MAML1: variants seen among roughly 807,000 people sequenced by gnomAD.
MAML1 encodes mastermind-like protein 1.
In MAML1, 14 loss-of-function variants were observed where a neutral mutation model predicts 77.1. The observed-to-expected ratio is 0.18, with a 90% confidence interval of 0.12 to 0.28. MAML1 has a LOEUF of 0.28. Ranked by LOEUF, MAML1 falls within the 10% of genes least tolerant of loss-of-function variation. MAML1 has a pLI of 1.00. For missense variants in MAML1, 1,217 were observed against 1,327.8 expected (o/e 0.92, Z 1.30); for synonymous variants, 516 against 551.9 (o/e 0.93, Z 0.91).
Position 179,776,722 on chromosome 5 carries a change from C to T in MAML1, c.*1845C>T. Reference sequence around the variant, plus strand: ...GCTGCCCCGTCTCCCACCCCTGTCCCCGGGGCTCGCTGGCCCTGCACTCCG... The same window carrying T: ...GCTGCCCCGTCTCCCACCCCTGTCCTCGGGGCTCGCTGGCCCTGCACTCCG... On this transcript the variant is annotated 3_prime_UTR_variant, in exon 5 of 5. Coordinates refer to ENST00000292599, the MANE Select transcript of MAML1 (RefSeq NM_014757.5). 1 of 985,932 alleles carries T rather than the reference C, an allele frequency of 1.0e-6. No individual in the cohort carries two copies. The highest frequency in any genetic ancestry group is 1.2e-6 in the Non-Finnish European group (1 of 830,010). The allele number at this position is 985,932 out of a possible 1,614,324, so 61.1% of individuals were successfully genotyped here.
In MAML1 at chr5:179,768,935, A is replaced by G. The variant is rs1331469085; in HGVS notation, c.1817A>G (p.His606Arg). The G allele has an allele frequency of 1.2e-6, 2 of 1,614,190 alleles. No homozygotes were observed. The highest frequency in any genetic ancestry group is 1.3e-5 in the African/African-American group (1 of 75,036). Residue 606 changes from histidine to arginine, a missense_variant, in exon 3 of 5, where the codon CAC (histidine) becomes CGC (arginine). By Grantham distance (29) the His-to-Arg change is conservative. Coordinates refer to ENST00000292599, the MANE Select transcript of MAML1 (RefSeq NM_014757.5). The stretch of plus-strand genomic sequence containing the variant: ...CCTGCCGTGTCCGTGGCCAGCTCCC[A>G]CAACAGCTCCCCCTATCTCAGCAGC... Reference protein sequence around the residue: ...QPPAVSVASSHNSSPYLSSQQ... With the variant: ...QPPAVSVASSRNSSPYLSSQQ...
intron 1 of MAML1, among the ~76,000 whole-genome samples, chr5:179,752,340 A>ATATATATATATATATATATATAT: frequency 1.9e-5 from 1 of 53,492 alleles, no homozygotes; most frequent in South Asian, 8.4e-4. Flanking sequence ...AAAAAAAAAA[A>ATATATATATATATATATATATAT]AAAAAAAAAA....
intron 3 of MAML1, among the ~76,000 whole-genome samples, chr5:179,770,564 T>C (rs917927025): frequency 3.3e-5 from 5 of 152,270 alleles, no homozygotes; most frequent in Admixed American, 2.6e-4. Context: ...TATGGACATG[T>C]TACATTTTAT....
At chr5:179,735,580 G>A (rs1049599686) in intron 1 of MAML1, among the ~76,000 whole-genome samples, 3 of 151,948 alleles carry the variant, frequency 2.0e-5, no homozygotes, top group African/African-American at 7.3e-5. Context: ...TAGTAGAGAT[G>A]GGGTTTCACC....
Position 179,747,808 on chromosome 5 carries a change from C to CAAAAAAAA in MAML1, c.315+14395_315+14402dup, listed in dbSNP as rs71001044. Among the ~76,000 whole-genome samples, 375 of 40,662 alleles carry CAAAAAAAA rather than the reference C, an allele frequency of 9.2e-3. 42 individuals are homozygous for CAAAAAAAA. The highest frequency in any genetic ancestry group is 0.028 in the Middle Eastern group (1 of 36). 26.7% of individuals were successfully genotyped at this position (40,662 alleles called of 152,430 possible). On this transcript the variant is annotated intron_variant, in intron 1 of 4. Transcript: ENST00000292599. ...CCTGGGCGACAGCGAGACTCCATCTCAAAAAAAAAAAAAAAAAAAAAGAAG... is the reference window on the plus strand; with the variant it reads ...CCTGGGCGACAGCGAGACTCCATCTCAAAAAAAAAAAAAAAAAAAAAAAAAAAAAGAAG...
chr5:179,743,009 G>A (rs1779311156), intron 1 of MAML1, among the ~76,000 whole-genome samples: 1 of 151,074 alleles, frequency 6.6e-6, no homozygotes, highest in African/African-American at 2.4e-5. Flanking sequence ...TGGGTGTTTG[G>A]ACAAAATAAT....
rs1461221464 is a variant in MAML1 at position 179,774,561 on chromosome 5, C to G, written c.2735C>G (p.Thr912Ser). 6.2e-7 allele frequency: 1 copy of G among 1,612,638 alleles called. No individual in the cohort carries two copies. ...CCCCCAGTGAGTGCACAGCAGAGGA[C>G]CAGCGCCCCTGCCCCAGCACCACCC... ...LLPPVSAQQR[T>S]SAPAPAPPPT... The change falls in exon 5 of 5, where the codon ACC becomes AGC. Residue 912 changes from threonine (T) to serine (S), a missense_variant. Physicochemically the swap from Thr to Ser is moderately conservative, Grantham distance 58. Transcript: ENST00000292599.
Position 179,775,878 on chromosome 5 carries a change from G to T in MAML1, c.*1001G>T. The T allele has an allele frequency of 1.0e-6, 1 of 985,600 alleles. No homozygotes were observed. 61.1% of individuals were successfully genotyped at this position (985,600 alleles called of 1,614,324 possible). ...ATTTACTCCATTGGAGGGAAAGGAA[G>T]AGTCTTAGAATTCCTAAGGGAACCT... On this transcript the variant is annotated 3_prime_UTR_variant, in exon 5 of 5. Coordinates refer to ENST00000292599, the MANE Select transcript of MAML1 (RefSeq NM_014757.5).
intron 1 of MAML1, among the ~76,000 whole-genome samples, chr5:179,763,116 G>T (rs1231676952): frequency 2.0e-5 from 3 of 152,120 alleles, no homozygotes; most frequent in Admixed American, 2.0e-4. Context: ...GGAAAACTGA[G>T]CTCCCAGGTT....
rs1756147309 is a variant in MAML1, at chr5:179,776,944, A to G, written c.*2067A>G. 5 of 985,770 alleles carry G rather than the reference A, an allele frequency of 5.1e-6. No individual in the cohort carries two copies. Among genetic ancestry groups the G allele is most frequent in the African/African-American group, 1.7e-5 (1 of 57,260 alleles). 61.1% of individuals were successfully genotyped at this position (985,770 alleles called of 1,614,324 possible). On this transcript the variant is annotated 3_prime_UTR_variant, in exon 5 of 5. Coordinates refer to ENST00000292599, the MANE Select transcript of MAML1 (RefSeq NM_014757.5). Reference sequence around the variant, plus strand: ...TTCCAGGAGCCACAACTCAGAAGAAAAGGGTGCTCAGACTTTTGTTATACA... The same window carrying G: ...TTCCAGGAGCCACAACTCAGAAGAAGAGGGTGCTCAGACTTTTGTTATACA...
chr5:179,773,871 G>T (rs1293641710), intron 4 of MAML1, 24 bp from the exon 5 acceptor site: 6 of 1,593,930 alleles, frequency 3.8e-6, no homozygotes, highest in Non-Finnish European at 5.1e-6. Flanking sequence ...ACTCCTGACT[G>T]CCAGACTCTT....
chr5:179,739,338 C>A (rs951764910), intron 1 of MAML1, among the ~76,000 whole-genome samples: 1 of 151,936 alleles, frequency 6.6e-6, no homozygotes, highest in African/African-American at 2.4e-5. Flanking sequence ...AGCAATATAA[C>A]AAGACTCCAT....
chr5:179,754,980 GAAGA>G (rs1779582767), intron 1 of MAML1, among the ~76,000 whole-genome samples: 1 of 152,190 alleles, frequency 6.6e-6, no homozygotes, highest in Admixed American at 6.5e-5. Context: ...CCCTCTTACA[GAAGA>G]GAGAAAGAAA....
chr5:179,766,137 C>G lies in MAML1; in HGVS notation c.1127C>G (p.Ala376Gly), dbSNP rs1215262101. ...ASAQAQNAQR[A>G]LAGVVLPSQG... ...GCCCAGGCCCAGAACGCACAAAGAG[C>G]CCTTGCAGGTGTGGTATTGCCCAGT... is the stretch of plus-strand genomic sequence containing the variant. Residue 376 changes from alanine to glycine, a missense_variant, in exon 2 of 5, where the codon GCC (alanine) becomes GGC (glycine). Physicochemically the swap from Ala to Gly is moderately conservative, Grantham distance 60. Around this residue, in one of 3 missense-constraint regions of MAML1, gnomAD observed 884 missense variants for 949.3 expected, o/e 0.93. Transcript: ENST00000292599. The surrounding 1 kb of genome is among the most constrained non-coding windows in gnomAD (Gnocchi z 4.0). The G allele has an allele frequency of 6.4e-7, 1 of 1,574,008 alleles. No individual in the cohort carries two copies. Among genetic ancestry groups the G allele is most frequent in the Non-Finnish European group, 8.6e-7 (1 of 1,161,546 alleles).
chr5:179,765,261 C>A, intron 1 of MAML1, 65 bp from the exon 2 acceptor site: 2 of 1,404,566 alleles, frequency 1.4e-6, no homozygotes, highest in Non-Finnish European at 1.9e-6. Flanking sequence ...CAGCCCTTGG[C>A]TTGTTACTGT....
intron 1 of MAML1, among the ~76,000 whole-genome samples, chr5:179,745,870 A>AT (rs1161382260): frequency 6.9e-6 from 1 of 145,638 alleles, no homozygotes; most frequent in African/African-American, 2.6e-5. Flanking sequence ...AAAAAAAAAA[A>AT]AAAAAAAAAA....
chr5:179,737,662 C>A (rs1285299575), intron 1 of MAML1, among the ~76,000 whole-genome samples: 1 of 151,848 alleles, frequency 6.6e-6, no homozygotes, highest in Non-Finnish European at 1.5e-5. Context: ...GAGTTTACTT[C>A]ACTTCAGATT....
At chr5:179,763,463 T>C (rs1418356600) in intron 1 of MAML1, among the ~76,000 whole-genome samples, 2 of 152,108 alleles carry the variant, frequency 1.3e-5, no homozygotes, top group African/African-American at 2.4e-5. Flanking sequence ...CGATTTTTTT[T>C]TTTTTTCAGA....
At position 179,766,268 on chromosome 5, in the gene MAML1, C is replaced by T. The variant is rs1779817020; in HGVS notation, c.1258C>T (p.Pro420Ser). Residue 420 changes from proline to serine, a missense_variant, in exon 2 of 5, where the codon CCG becomes TCG. Around this residue, in one of 3 missense-constraint regions of MAML1, gnomAD observed 884 missense variants for 949.3 expected, o/e 0.93. Coordinates refer to ENST00000292599, the MANE Select transcript of MAML1 (RefSeq NM_014757.5). The surrounding 1 kb of genome is among the most constrained non-coding windows in gnomAD (Gnocchi z 4.0). Reference protein sequence around the residue: ...QMLQNPQQATPAPAPGQMSTW... With the variant: ...QMLQNPQQATSAPAPGQMSTW... The stretch of plus-strand genomic sequence containing the variant: ...GCTCCAGAACCCACAGCAGGCCACC[C>T]CGGCACCAGCCCCGGGCCAGATGTC... The T allele has an allele frequency of 6.2e-7, 1 of 1,613,974 alleles. No homozygotes were observed. The highest frequency in any genetic ancestry group is 8.5e-7 in the Non-Finnish European group (1 of 1,179,952).
Sources: gnomAD v4.1 joint callset for allele counts (sites outside exome capture counted in the v4.1 genomes callset) on GRCh38, gnomAD v4.1.1 for gene constraint, gnomAD v4.1.1 regional missense constraint, Gnocchi (gnomAD v3.1) non-coding constraint, MANE v1.5 for transcripts, NCBI Gene and HGNC (gene_info 2026-07-23, HGNC 2026-07-21) for gene names.